Variants in HDAC3 observed in about 807,000 individuals in gnomAD.
HDAC3 encodes SMAP45.
HDAC3 carries 21 observed loss-of-function variants against 62.3 expected under a neutral mutation model. The observed-to-expected ratio is 0.34, with a 90% confidence interval of 0.24 to 0.49. HDAC3 has a LOEUF of 0.49. HDAC3 is among the 20% of genes least tolerant of loss of function. The probability of loss-of-function intolerance (pLI) is 0.99; values close to 1 mark genes in which losing one functional copy is unlikely to be tolerated. For missense variants in HDAC3, 270 were observed against 556.9 expected (o/e 0.48, Z 5.19); for synonymous variants, 198 against 206.5 (o/e 0.96, Z 0.35).
At position 141,629,343 on chromosome 5, in the gene HDAC3, T is replaced by G; in HGVS notation, c.477-37A>C. ...CCAAAGCCAGGGTCTGAGCTAGAAG[T>G]GAACCCCCCAACCCACTCCTCTCAA... is the stretch of plus-strand genomic sequence containing the variant. On this transcript the variant is annotated intron_variant, in intron 6 of 14. Coordinates refer to ENST00000305264, the MANE Select transcript of HDAC3 (RefSeq NM_003883.4). This position sits in a 1 kb window ranked among gnomAD's most constrained non-coding sequence, Gnocchi z 5.3. The G allele has an allele frequency of 1.2e-6, 2 of 1,613,496 alleles. No homozygotes were observed. The highest frequency in any genetic ancestry group is 1.7e-6 in the Non-Finnish European group (2 of 1,179,830).
intron 14 of HDAC3, among the ~76,000 whole-genome samples, chr5:141,624,560 A>G (rs986452644): frequency 6.7e-5 from 10 of 149,090 alleles, no homozygotes; most frequent in South Asian, 4.2e-4. Flanking sequence ...CTGTCTCAAA[A>G]AAAAAAAAAA....
rs140028054 is a variant in HDAC3 at position 141,635,574 on chromosome 5, A to G, written c.139-621T>C. Among the ~76,000 whole-genome samples the G allele has an allele frequency of 8.0e-3, 1,222 of 152,350 alleles. 21 individuals are homozygous for G. The highest frequency in any genetic ancestry group is 0.028 in the African/African-American group (1,161 of 41,584). On this transcript the variant is annotated intron_variant, in intron 2 of 14. Coordinates refer to ENST00000305264, the MANE Select transcript of HDAC3 (RefSeq NM_003883.4). Reference sequence around the variant, plus strand: ...CAATGAACATTCATTCATATTGTTCACTAGTTTCCCTAGCAACACATAAAG... The same window carrying G: ...CAATGAACATTCATTCATATTGTTCGCTAGTTTCCCTAGCAACACATAAAG...
chr5:141,628,405 T>C lies in HDAC3; in HGVS notation c.691+154A>G. The C allele has an allele frequency of 4.0e-6, 3 of 743,494 alleles. No individual in the cohort carries two copies. Among genetic ancestry groups the C allele is most frequent in the Non-Finnish European group, 7.0e-6 (3 of 426,546 alleles). 46.1% of individuals were successfully genotyped at this position (743,494 alleles called of 1,614,324 possible). On this transcript the variant is annotated intron_variant, in intron 8 of 14. Transcript: ENST00000305264. The surrounding 1 kb of genome is among the most constrained non-coding windows in gnomAD (Gnocchi z 4.7). Reference sequence around the variant, plus strand: ...CAGAAAAATGCACATACACATGATATGTTGCATACAATTTCCAGAGATTCA... The same window carrying C: ...CAGAAAAATGCACATACACATGATACGTTGCATACAATTTCCAGAGATTCA...
rs189536734 is a variant in HDAC3, at chr5:141,632,970, C to T, written c.281+1841G>A. Among the ~76,000 whole-genome samples, 7 of 152,288 alleles carry T rather than the reference C, an allele frequency of 4.6e-5. No homozygotes were observed. In the East Asian group the frequency reaches 1.4e-3, roughly 29 times the overall value. ...TTAAAAACCCGGGATCTGGATCATG[C>T]CCCCTCCAATGACCAGTTATGTGAC... On this transcript the variant is annotated intron_variant, in intron 3 of 14. Coordinates refer to ENST00000305264, the MANE Select transcript of HDAC3 (RefSeq NM_003883.4).
In HDAC3 at chr5:141,626,490, C is replaced by G; in HGVS notation, c.831-207G>C. 1.8e-6 allele frequency: 1 copy of G among 567,722 alleles called. No individual in the cohort carries two copies. Among genetic ancestry groups the G allele is most frequent in the Non-Finnish European group, 3.2e-6 (1 of 317,050 alleles). 35.2% of individuals were successfully genotyped at this position (567,722 alleles called of 1,614,324 possible). Reference sequence around the variant, plus strand: ...AAAAATTTTAAAATAAAGCACAGTCCCCCCTCTGTTCTGCTCAACACCCTC... The same window carrying G: ...AAAAATTTTAAAATAAAGCACAGTCGCCCCTCTGTTCTGCTCAACACCCTC... On this transcript the variant is annotated intron_variant, in intron 10 of 14. Coordinates refer to ENST00000305264, the MANE Select transcript of HDAC3 (RefSeq NM_003883.4). The surrounding 1 kb of genome is among the most constrained non-coding windows in gnomAD (Gnocchi z 4.6).
chr5:141,632,515 T>C (rs1345866187), intron 3 of HDAC3, among the ~76,000 whole-genome samples: 15 of 152,176 alleles, frequency 9.9e-5, no homozygotes. Flanking sequence ...AGCCCAGAGA[T>C]AGTATTCTAA....
At chr5:141,634,328 T>C (rs888466826) in intron 3 of HDAC3, among the ~76,000 whole-genome samples, 2 of 152,180 alleles carry the variant, frequency 1.3e-5, no homozygotes, top group South Asian at 4.1e-4. Context: ...CTTGGCCTTT[T>C]TTCTGTTCCT....
At chr5:141,636,228 A>T (rs1232385247) in intron 2 of HDAC3, 1 of 364,974 alleles carries the variant, frequency 2.7e-6, no homozygotes, top group Non-Finnish European at 5.2e-6. Context: ...CCTGAGGCCA[A>T]GGCCCTATCC....
Position 141,628,859 on chromosome 5 carries a change from C to T in HDAC3, c.611-220G>A, listed in dbSNP as rs990667683. On this transcript the variant is annotated intron_variant, in intron 7 of 14. Coordinates refer to ENST00000305264, the MANE Select transcript of HDAC3 (RefSeq NM_003883.4). The surrounding 1 kb of genome is among the most constrained non-coding windows in gnomAD (Gnocchi z 4.7). ...GTACTAGGCAGTAGGGATGCAGCAA[C>T]GAATGGAACTAATGAAATTTACGAT... Among the ~76,000 whole-genome samples the T allele has an allele frequency of 3.3e-5, 5 of 152,116 alleles. No individual in the cohort carries two copies. The highest frequency in any genetic ancestry group is 2.1e-4 in the South Asian group (1 of 4,834).
At chr5:141,627,393 G>C (rs2099904587) in intron 10 of HDAC3, among the ~76,000 whole-genome samples, 1 of 152,036 alleles carries the variant, frequency 6.6e-6, no homozygotes, top group Non-Finnish European at 1.5e-5. Context: ...AGCCTTTTGT[G>C]GGCCTTTGTC....
Position 141,625,036 on chromosome 5 carries a change from A to C in HDAC3, c.1217+172T>G. On this transcript the variant is annotated intron_variant, in intron 14 of 14. Transcript: ENST00000305264. The surrounding 1 kb of genome is among the most constrained non-coding windows in gnomAD (Gnocchi z 4.0). Reference sequence around the variant, plus strand: ...GGTGCTGTTTTAAAATTTTGCAATAAATACGTGTTACTTTTGTCATTAAAA... The same window carrying C: ...GGTGCTGTTTTAAAATTTTGCAATACATACGTGTTACTTTTGTCATTAAAA... 1 of 682,288 alleles carries C rather than the reference A, an allele frequency of 1.5e-6. No homozygotes were observed. The highest frequency in any genetic ancestry group is 2.4e-6 in the Non-Finnish European group (1 of 416,374). 42.3% of individuals were successfully genotyped at this position (682,288 alleles called of 1,614,324 possible).
intron 3 of HDAC3, among the ~76,000 whole-genome samples, chr5:141,631,125 CA>C (rs112849067): frequency 0.013 from 1,872 of 142,570 alleles, 41 homozygotes; most frequent in African/African-American, 0.041. Flanking sequence ...TTTTAGGTCT[CA>C]AAAAAAAAAA....
Position 141,636,586 on chromosome 5 carries a change from TA to T in HDAC3, c.99del (p.His33GlnfsTer13). On this transcript the variant is annotated frameshift_variant, in exon 2 of 15. Coordinates refer to ENST00000305264, the MANE Select transcript of HDAC3 (RefSeq NM_003883.4). LOFTEE classifies it high-confidence loss of function. Reference sequence around the variant, plus strand: ...TAGAGACCGTAATGCAGGACCAGGCTATGGGTCAATGCCAGGCGATGGGGCT... The same window carrying T: ...TAGAGACCGTAATGCAGGACCAGGCTTGGGTCAATGCCAGGCGATGGGGCT... Reference protein sequence around the residue: ...PMKPHRLALTHSLVLHYGLYK... With the variant: ...PMKPHRLALTXSLVLHYGLYK... 1 of 1,613,584 alleles carries T rather than the reference TA, an allele frequency of 6.2e-7. No homozygotes were observed. The highest frequency in any genetic ancestry group is 1.7e-5 in the Admixed American group (1 of 59,980).
intron 3 of HDAC3, among the ~76,000 whole-genome samples, chr5:141,630,587 A>G (rs1294451710): frequency 2.0e-5 from 3 of 152,280 alleles, no homozygotes; most frequent in Non-Finnish European, 4.4e-5. Flanking sequence ...CCTGTAGCAC[A>G]GTATACAGTA....
At chr5:141,635,188 C>T (rs2099905778) in intron 2 of HDAC3, 2 of 447,338 alleles carry the variant, frequency 4.5e-6, no homozygotes, top group Non-Finnish European at 8.0e-6. Flanking sequence ...ATCGTACCTT[C>T]TCAACTTTGA....
chr5:141,627,089 A>G (rs899435074), intron 10 of HDAC3, among the ~76,000 whole-genome samples: 2 of 152,154 alleles, frequency 1.3e-5, no homozygotes, highest in African/African-American at 4.8e-5. Flanking sequence ...CAATCTCACC[A>G]TGGCCAGCTT....
rs1229622168 is a variant in HDAC3 at position 141,625,214 on chromosome 5, T to C, written c.1211A>G (p.Tyr404Cys). Reference sequence around the variant, plus strand: ...GAAGTCCCTGCTCCCAGACCTGCTATAGTTCTCCTCAGGACCCCTCTCCTC... The same window carrying C: ...GAAGTCCCTGCTCCCAGACCTGCTACAGTTCTCCTCAGGACCCCTCTCCTC... ...DAEERGPEEN[Y>C]SRPEAPNEFY... The change falls in exon 14 of 15, where the codon TAT (tyrosine) becomes TGT (cysteine). Residue 404 changes from tyrosine to cysteine, a missense_variant. Tyr to Cys is a radical substitution (Grantham distance 194). Coordinates refer to ENST00000305264, the MANE Select transcript of HDAC3 (RefSeq NM_003883.4). This position sits in a 1 kb window ranked among gnomAD's most constrained non-coding sequence, Gnocchi z 4.0. 2.5e-6 allele frequency: 4 copies of C among 1,608,430 alleles called. No homozygotes were observed. Among genetic ancestry groups the C allele is most frequent in the Non-Finnish European group, 3.4e-6 (4 of 1,178,744 alleles).
intron 3 of HDAC3, among the ~76,000 whole-genome samples, 181 bp from the exon 4 acceptor site, chr5:141,630,306 C>G (rs2099905007): frequency 6.6e-6 from 1 of 152,198 alleles, no homozygotes; most frequent in Non-Finnish European, 1.5e-5. Context: ...ATGTACCAAG[C>G]CCTGTGCAAG....
chr5:141,621,302 A>G lies in HDAC3; in HGVS notation c.*166T>C, dbSNP rs1339767568. 1.5e-6 allele frequency: 1 copy of G among 652,496 alleles called. No homozygotes were observed. Among genetic ancestry groups the G allele is most frequent in the East Asian group, 2.8e-5 (1 of 35,930 alleles). The allele number at this position is 652,496 out of a possible 1,614,324, so 40.4% of individuals were successfully genotyped here. The stretch of plus-strand genomic sequence containing the variant: ...ATTGTCAGGCCTTGGGAGAGAGAGG[A>G]AAAGCAGGTAGATGGTTCGAGAACC... On this transcript the variant is annotated 3_prime_UTR_variant, in exon 15 of 15. Transcript: ENST00000305264.
Sources: allele counts gnomAD v4.1 joint callset (sites outside exome capture counted in the v4.1 genomes callset), GRCh38; gene constraint gnomAD v4.1.1; non-coding constraint Gnocchi (gnomAD v3.1); transcripts MANE v1.5; gene names NCBI Gene and HGNC (gene_info 2026-07-23, HGNC 2026-07-21).